CACNA2D2: variants seen among roughly 807,000 people sequenced by gnomAD.
CACNA2D2 encodes calcium voltage-gated channel auxiliary subunit alpha2delta 2.
Under a neutral mutation model 166.4 loss-of-function variants are expected in CACNA2D2, and 48 were observed. The observed-to-expected ratio is 0.29, with a 90% CI of 0.23 to 0.37. The LOEUF is 0.37. Ranked by LOEUF, CACNA2D2 falls within the 10% of genes least tolerant of loss-of-function variation. The pLI, the probability that CACNA2D2 is intolerant of heterozygous loss-of-function variation, is 1.00. For missense variants in CACNA2D2, 1,122 were observed against 1,433.0 expected (o/e 0.78, Z 3.50); for synonymous variants, 561 against 573.7 (o/e 0.98, Z 0.32).
At chr3:50,417,544 G>T (rs1450040903) in intron 3 of CACNA2D2, among the ~76,000 whole-genome samples, 1 of 152,192 alleles carries the variant, frequency 6.6e-6, no homozygotes, top group Non-Finnish European at 1.5e-5. Flanking sequence ...CCCTCACAGG[G>T]CTGGGCAGCG....
At position 50,475,902 on chromosome 3, in the gene CACNA2D2, G is replaced by A. The variant is rs554294854; in HGVS notation, c.288+216C>T. The stretch of plus-strand genomic sequence containing the variant: ...CAGCAACAGGGTCATCGTCCAAGCC[G>A]GGTGGTGGCTCCGATCGTTGCCTCA... On this transcript the variant is annotated intron_variant, in intron 2 of 37. Transcript: ENST00000424201. 7.8e-4 allele frequency among the ~76,000 whole-genome samples: 118 copies of A among 152,256 alleles called. 1 individual carries two copies. The highest frequency in any genetic ancestry group is 2.1e-3 in the African/African-American group (89 of 41,554).
At chr3:50,473,494 G>T (rs919542528) in intron 2 of CACNA2D2, among the ~76,000 whole-genome samples, 3 of 152,216 alleles carry the variant, frequency 2.0e-5, no homozygotes, top group African/African-American at 4.8e-5. Flanking sequence ...GCTCAAGGAG[G>T]GCTGAGGAGG....
intron 2 of CACNA2D2, among the ~76,000 whole-genome samples, chr3:50,473,007 G>A (rs1002202105): frequency 1.1e-4 from 16 of 152,206 alleles, no homozygotes; most frequent in African/African-American, 3.1e-4. Context: ...GCAAGAGTGG[G>A]CCACGGGTTG....
intron 1 of CACNA2D2, among the ~76,000 whole-genome samples, chr3:50,492,405 C>G (rs1011187644): frequency 4.6e-5 from 7 of 152,254 alleles, no homozygotes; most frequent in Non-Finnish European, 1.0e-4. Flanking sequence ...ACTGACCAAA[C>G]CTCACTGGCA....
At chr3:50,399,475 C>A (rs1362326594) in intron 3 of CACNA2D2, among the ~76,000 whole-genome samples, 1 of 152,108 alleles carries the variant, frequency 6.6e-6, no homozygotes, top group East Asian at 1.9e-4. Flanking sequence ...GGAGCGTGGG[C>A]TCTGGGGTGG....
intron 1 of CACNA2D2, among the ~76,000 whole-genome samples, chr3:50,476,904 C>T (rs888150764): frequency 9.9e-5 from 15 of 152,050 alleles, no homozygotes; most frequent in African/African-American, 3.4e-4. Flanking sequence ...TGGTACCACC[C>T]TGGGATTGCT....
chr3:50,434,461 A>T, intron 2 of CACNA2D2, 32 bp from the exon 3 acceptor site: 1 of 1,540,504 alleles, frequency 6.5e-7, no homozygotes, highest in African/African-American at 1.4e-5. Flanking sequence ...GGGTGAGACC[A>T]GGTGGTCCCA....
At chr3:50,483,856 C>T (rs575184593) in intron 1 of CACNA2D2, among the ~76,000 whole-genome samples, 2 of 152,292 alleles carry the variant, frequency 1.3e-5, no homozygotes, top group Non-Finnish European at 2.9e-5. Context: ...CACTGCACTG[C>T]CTTAATTCAT....
At chr3:50,501,147 GC>G (rs1369516525) in intron 1 of CACNA2D2, among the ~76,000 whole-genome samples, 1 of 152,144 alleles carries the variant, frequency 6.6e-6, no homozygotes, top group Non-Finnish European at 1.5e-5. Flanking sequence ...TCCCTGAGCA[GC>G]CCCACAGAAC....
In CACNA2D2 at chr3:50,460,714, C is replaced by T. The variant is rs909147039; in HGVS notation, c.288+15404G>A. 6.6e-5 allele frequency among the ~76,000 whole-genome samples: 10 copies of T among 152,142 alleles called. 1 individual carries two copies. Among genetic ancestry groups the T allele is most frequent in the Admixed American group, 6.5e-4 (10 of 15,282 alleles). On this transcript the variant is annotated intron_variant, in intron 2 of 37. Coordinates refer to ENST00000424201, the MANE Select transcript of CACNA2D2 (RefSeq NM_006030.4). The stretch of plus-strand genomic sequence containing the variant: ...CTAAAAATATAAAAAATTAGCCAGG[C>T]GTGGTGGCGGGCACCTGTAGTCCCA...
At chr3:50,414,519 C>A (rs1707178542) in intron 3 of CACNA2D2, among the ~76,000 whole-genome samples, 1 of 151,924 alleles carries the variant, frequency 6.6e-6, no homozygotes, top group Admixed American at 6.5e-5. Flanking sequence ...GACAGGGCAG[C>A]CCCCCTTCCA....
intron 2 of CACNA2D2, among the ~76,000 whole-genome samples, chr3:50,435,332 T>C (rs947852394): frequency 6.6e-6 from 1 of 151,990 alleles, no homozygotes; most frequent in Non-Finnish European, 1.5e-5. Flanking sequence ...TGCATTTGTA[T>C]GCATCACATA....
chr3:50,423,190 C>T (rs1212738579), intron 3 of CACNA2D2, among the ~76,000 whole-genome samples: 8 of 152,228 alleles, frequency 5.3e-5, no homozygotes, highest in Admixed American at 5.2e-4. Flanking sequence ...CCTCAAGCCC[C>T]ATCCCGGCAG....
chr3:50,444,162 A>G (rs958963306), intron 2 of CACNA2D2, among the ~76,000 whole-genome samples: 1 of 152,164 alleles, frequency 6.6e-6, no homozygotes, highest in Non-Finnish European at 1.5e-5. Context: ...AGGACTCCAG[A>G]GTGGCTAGAA....
At position 50,380,647 on chromosome 3, in the gene CACNA2D2, G is replaced by C. The variant is rs1705252633; in HGVS notation, c.842+101C>G. The C allele has an allele frequency of 2.1e-6, 2 of 957,376 alleles. No individual in the cohort carries two copies. Among genetic ancestry groups the C allele is most frequent in the Non-Finnish European group, 1.5e-6 (1 of 658,280 alleles). The allele number at this position is 957,376 out of a possible 1,614,324, so 59.3% of individuals were successfully genotyped here. ...AAATGAAAATTGGATACAGCTGGCTGCGCCCTGCTAGGAGGCTTGGAAATG... is the reference window on the plus strand; with the variant it reads ...AAATGAAAATTGGATACAGCTGGCTCCGCCCTGCTAGGAGGCTTGGAAATG... On this transcript the variant is annotated intron_variant, in intron 8 of 37. Coordinates refer to ENST00000424201, the MANE Select transcript of CACNA2D2 (RefSeq NM_006030.4). This position sits in a 1 kb window ranked among gnomAD's most constrained non-coding sequence, Gnocchi z 4.9.
intron 2 of CACNA2D2, among the ~76,000 whole-genome samples, chr3:50,437,933 CCACAGCAG>C (rs1485057651): frequency 5.3e-5 from 8 of 152,338 alleles, no homozygotes; most frequent in Admixed American, 2.0e-4. Context: ...CCAACTGCTC[CCACAGCAG>C]CACAGCCGGC....
At chr3:50,478,918 T>G (rs1257908531) in intron 1 of CACNA2D2, among the ~76,000 whole-genome samples, 1 of 152,218 alleles carries the variant, frequency 6.6e-6, no homozygotes, top group Admixed American at 6.5e-5. Flanking sequence ...CATTACTGAT[T>G]CCACCCCAGG....
intron 6 of CACNA2D2, among the ~76,000 whole-genome samples, chr3:50,382,257 C>A (rs948993976): frequency 3.3e-5 from 5 of 152,174 alleles, no homozygotes; most frequent in African/African-American, 1.2e-4. Context: ...CCTTCAGGGA[C>A]CCCCACCCTC....
At chr3:50,415,259 C>T (rs1303130649) in intron 3 of CACNA2D2, among the ~76,000 whole-genome samples, 1 of 152,220 alleles carries the variant, frequency 6.6e-6, no homozygotes, top group Admixed American at 6.5e-5. Flanking sequence ...CCTGGGTCTG[C>T]AATTCCACTT....
Sources: allele counts gnomAD v4.1 joint callset (sites outside exome capture counted in the v4.1 genomes callset), GRCh38; gene constraint gnomAD v4.1.1; non-coding constraint Gnocchi (gnomAD v3.1); transcripts MANE v1.5; gene names NCBI Gene and HGNC (gene_info 2026-07-23, HGNC 2026-07-21).